The following PRR16 variants were observed in gnomAD, a reference collection of about 807,000 sequenced individuals.
PRR16 encodes the protein proline rich 16.
PRR16 carries 6 observed loss-of-function variants against 18.2 expected under a neutral mutation model. The observed-to-expected ratio is 0.33, with a 90% confidence interval of 0.18 to 0.65. The LOEUF (loss-of-function observed/expected upper bound fraction) is 0.65. PRR16 is among the 30% of genes least tolerant of loss of function. PRR16 has a pLI of 0.74. For missense variants in PRR16, 412 were observed against 376.6 expected, an observed-to-expected ratio of 1.09 and a Z score of -0.78; for synonymous variants, 151 against 147.8, an observed-to-expected ratio of 1.02 and a Z score of -0.16.
intron 1 of PRR16, among the ~76,000 whole-genome samples, chr5:120,628,653 A>G (rs1754947295): frequency 6.9e-6 from 1 of 145,720 alleles, no homozygotes; most frequent in Non-Finnish European, 1.5e-5. Context: ...TCTACCTTCT[A>G]TCTATCTACC....
the PRR16 span, among the ~76,000 whole-genome samples, chr5:120,752,412 G>T: frequency 6.6e-6 from 1 of 151,816 alleles, no homozygotes; most frequent in Non-Finnish European, 1.5e-5. Context: ...CCTGTTTATT[G>T]TTTTTTTGAA....
In PRR16 at chr5:120,567,597, A is replaced by G. The variant is rs148057945; in HGVS notation, c.159+102952A>G. 2.2e-4 allele frequency among the ~76,000 whole-genome samples: 34 copies of G among 152,194 alleles called. No homozygotes were observed. The East Asian group carries it at 5.2e-3, about 23-fold the overall frequency. On this transcript the variant is annotated intron_variant, in intron 1 of 1. Transcript: ENST00000407149. Reference sequence around the variant, plus strand: ...TGGAGGAAGGGCCTGCTGGGAGGTGACTGGATCATGGGGGCGGATTTCCCA... The same window carrying G: ...TGGAGGAAGGGCCTGCTGGGAGGTGGCTGGATCATGGGGGCGGATTTCCCA...
chr5:120,662,256 T>C (rs1756197811), intron 1 of PRR16, among the ~76,000 whole-genome samples: 2 of 152,152 alleles, frequency 1.3e-5, no homozygotes, highest in Admixed American at 1.3e-4. Context: ...GGATATATTG[T>C]ATTTTACTCT....
intron 1 of PRR16, among the ~76,000 whole-genome samples, chr5:120,668,905 A>G (rs1387981991): frequency 2.0e-5 from 3 of 152,088 alleles, no homozygotes; most frequent in Non-Finnish European, 4.4e-5. Flanking sequence ...CTTCATTTCA[A>G]CTGATGGGAA....
At chr5:120,785,977 T>TAA in the PRR16 span, among the ~76,000 whole-genome samples, 15 of 148,648 alleles carry the variant, frequency 1.0e-4, no homozygotes, top group South Asian at 2.1e-4. Flanking sequence ...AGTCATTCTT[T>TAA]AAAAAAAAAA....
the PRR16 span, among the ~76,000 whole-genome samples, chr5:120,786,990 GTTTT>G: frequency 6.6e-6 from 1 of 152,044 alleles, no homozygotes; most frequent in South Asian, 2.1e-4. Flanking sequence ...AACTTATATG[GTTTT>G]AAGCCAAGTC....
chr5:120,772,337 A>AC, the PRR16 span, among the ~76,000 whole-genome samples: 69 of 151,992 alleles, frequency 4.5e-4, no homozygotes, highest in Non-Finnish European at 9.6e-4. Context: ...AGCTTACTTT[A>AC]CCATGTAATC....
At chr5:120,605,562 G>C (rs1180690891) in intron 1 of PRR16, among the ~76,000 whole-genome samples, 2 of 152,186 alleles carry the variant, frequency 1.3e-5, no homozygotes, top group African/African-American at 4.8e-5. Context: ...TGCACAGCTA[G>C]TGTGGTCACG....
At chr5:120,728,308 A>T in the PRR16 span, among the ~76,000 whole-genome samples, 372 of 138,094 alleles carry the variant, frequency 2.7e-3, no homozygotes, top group African/African-American at 9.9e-3. Context: ...TAAAAAGTTT[A>T]TTTTTTCAAA....
the PRR16 span, among the ~76,000 whole-genome samples, chr5:120,789,588 A>G: frequency 6.6e-6 from 1 of 152,138 alleles, no homozygotes; most frequent in Non-Finnish European, 1.5e-5. Flanking sequence ...ATTATTTCAA[A>G]TGAAAGATCT....
chr5:120,771,925 T>A, the PRR16 span, among the ~76,000 whole-genome samples: 108 of 151,930 alleles, frequency 7.1e-4, no homozygotes, highest in African/African-American at 2.4e-3. Context: ...GAAAATTAGA[T>A]CAAATAAGAA....
intron 1 of PRR16, among the ~76,000 whole-genome samples, chr5:120,550,649 T>A (rs996397427): frequency 2.1e-4 from 32 of 152,144 alleles, no homozygotes; most frequent in African/African-American, 7.5e-4. Flanking sequence ...CACTGGAAAA[T>A]AGAAACAACA....
the PRR16 span, among the ~76,000 whole-genome samples, chr5:120,724,209 G>A: frequency 6.6e-6 from 1 of 152,068 alleles, no homozygotes; most frequent in African/African-American, 2.4e-5. Context: ...GGAATTGCAT[G>A]AAATTTATTA....
chr5:120,495,335 T>G (rs1484993753), intron 1 of PRR16, among the ~76,000 whole-genome samples: 2 of 152,094 alleles, frequency 1.3e-5, no homozygotes, highest in African/African-American at 4.8e-5. Flanking sequence ...CATTAGTCTC[T>G]TGGTATCCAT....
the PRR16 span, among the ~76,000 whole-genome samples, chr5:120,785,316 A>G: frequency 1.3e-5 from 2 of 152,198 alleles, no homozygotes. Context: ...CCCAAATAGG[A>G]ATCAGTATCT....
the PRR16 span, among the ~76,000 whole-genome samples, chr5:120,713,993 C>T: frequency 1.3e-5 from 2 of 151,864 alleles, no homozygotes; most frequent in Non-Finnish European, 2.9e-5. Context: ...ATGAAAATTC[C>T]TAGTGTTCCT....
At chr5:120,513,137 G>T (rs1297734200) in intron 1 of PRR16, among the ~76,000 whole-genome samples, 1 of 152,158 alleles carries the variant, frequency 6.6e-6, no homozygotes, top group Non-Finnish European at 1.5e-5. Context: ...AGCCGTCTTG[G>T]ATTTAACCGG....
chr5:120,556,204 G>A (rs1458749656), intron 1 of PRR16, among the ~76,000 whole-genome samples: 1 of 144,994 alleles, frequency 6.9e-6, no homozygotes, highest in Non-Finnish European at 1.5e-5. Context: ...TGAGCTTTTA[G>A]TGCCATTTCT....
the PRR16 span, among the ~76,000 whole-genome samples, chr5:120,712,651 A>C: frequency 6.6e-6 from 1 of 152,154 alleles, no homozygotes; most frequent in South Asian, 2.1e-4. Flanking sequence ...AAATGGGAAA[A>C]GGATCTGAAT....
Sources: gnomAD v4.1 joint callset for allele counts (sites outside exome capture counted in the v4.1 genomes callset) on GRCh38, gnomAD v4.1.1 for gene constraint, MANE v1.5 for transcripts, NCBI Gene and HGNC (gene_info 2026-07-23, HGNC 2026-07-21) for gene names.